Variants in PEX7 observed in about 807,000 individuals in gnomAD.
PEX7 encodes the protein PTS2 receptor.
A neutral mutation model predicts 47.5 loss-of-function variants in PEX7; 34 were observed. That is an observed-to-expected ratio of 0.72 (90% CI 0.54 to 0.95). The LOEUF is 0.95. Among genes scored for constraint, PEX7 ranks in the 40% least tolerant of loss-of-function variants. The pLI is 0.00. For synonymous variants in PEX7, 141 were observed against 148.8 expected (o/e 0.95, Z 0.38); for missense variants, 394 against 400.3 (o/e 0.98, Z 0.13).
intron 8 of PEX7, among the ~76,000 whole-genome samples, chr6:136,876,387 G>C (rs556501816): frequency 1.3e-5 from 2 of 152,098 alleles, no homozygotes; most frequent in South Asian, 2.1e-4. Flanking sequence ...TGTGCAGAAC[G>C]TGCAGGTTTG....
At chr6:136,871,820 C>T (rs1376038895) in intron 7 of PEX7, among the ~76,000 whole-genome samples, 3 of 152,154 alleles carry the variant, frequency 2.0e-5, no homozygotes, top group Non-Finnish European at 4.4e-5. Flanking sequence ...CTGAGCCTCC[C>T]AAGGTGCTGG....
intron 5 of PEX7, among the ~76,000 whole-genome samples, chr6:136,848,526 C>G (rs1774673659): frequency 6.6e-6 from 1 of 152,190 alleles, no homozygotes; most frequent in Non-Finnish European, 1.5e-5. Flanking sequence ...TACATCCCAT[C>G]AATACCTAGT....
At position 136,825,504 on chromosome 6, in the gene PEX7, T is replaced by G. The variant is rs538922025; in HGVS notation, c.188+233T>G. Among the ~76,000 whole-genome samples, 121 of 152,124 alleles carry G rather than the reference T, an allele frequency of 8.0e-4. 5 individuals are homozygous for G. In the South Asian group the frequency reaches 0.022, roughly 27 times the overall value. Reference sequence around the variant, plus strand: ...GGCCGGGAGTTCAAGACCAGCCTCGTGGGCAACATAGGAGGACCCCGTCTC... The same window carrying G: ...GGCCGGGAGTTCAAGACCAGCCTCGGGGGCAACATAGGAGGACCCCGTCTC... On this transcript the variant is annotated intron_variant, in intron 2 of 9. Transcript: ENST00000318471.
chr6:136,902,745 C>A (rs563907402), intron 9 of PEX7, among the ~76,000 whole-genome samples: 9 of 152,010 alleles, frequency 5.9e-5, no homozygotes, highest in Non-Finnish European at 1.3e-4. Context: ...GTTTAGAATT[C>A]CTGACTTTGT....
chr6:136,889,875 T>C (rs183863935), intron 8 of PEX7, among the ~76,000 whole-genome samples: 102 of 152,364 alleles, frequency 6.7e-4, no homozygotes, highest in African/African-American at 2.3e-3. Context: ...GTTACAAACC[T>C]TGTAGAATTA....
At chr6:136,849,413 C>G (rs1774694399) in intron 5 of PEX7, among the ~76,000 whole-genome samples, 1 of 152,072 alleles carries the variant, frequency 6.6e-6, no homozygotes, top group Non-Finnish European at 1.5e-5. Flanking sequence ...TGTGTTTGCT[C>G]TTGCTTCTCT....
chr6:136,846,894 C>G (rs1774615504), intron 5 of PEX7, among the ~76,000 whole-genome samples: 2 of 152,184 alleles, frequency 1.3e-5, no homozygotes, highest in South Asian at 2.1e-4. Flanking sequence ...ATTTCTAGTT[C>G]TAGATCCTTG....
At chr6:136,880,673 A>G (rs578226281) in intron 8 of PEX7, among the ~76,000 whole-genome samples, 2 of 152,358 alleles carry the variant, frequency 1.3e-5, no homozygotes, top group African/African-American at 4.8e-5. Flanking sequence ...ATACAGTAAC[A>G]GTTTTGGATT....
chr6:136,855,085 CA>C (rs747644035), intron 5 of PEX7, among the ~76,000 whole-genome samples: 275 of 125,244 alleles, frequency 2.2e-3, no homozygotes, highest in Middle Eastern at 4.1e-3. Flanking sequence ...AAGACTGTCT[CA>C]AAAAAAAAAA....
At chr6:136,911,886 G>T (rs1355604834) in intron 9 of PEX7, among the ~76,000 whole-genome samples, 1 of 152,114 alleles carries the variant, frequency 6.6e-6, no homozygotes, top group African/African-American at 2.4e-5. Context: ...CAAAATGGTG[G>T]TACCATATAC....
At chr6:136,829,431 T>C (rs543379796) in intron 3 of PEX7, among the ~76,000 whole-genome samples, 16 of 152,134 alleles carry the variant, frequency 1.1e-4, no homozygotes, top group Non-Finnish European at 1.9e-4. Context: ...ATAAGAGCAC[T>C]AATCCCATTC....
chr6:136,855,517 T>G (rs1774845391), intron 5 of PEX7, among the ~76,000 whole-genome samples: 1 of 152,166 alleles, frequency 6.6e-6, no homozygotes, highest in Non-Finnish European at 1.5e-5. Flanking sequence ...TTTTTGTATT[T>G]TTAGTAGAGC....
intron 7 of PEX7, 135 bp from the exon 8 acceptor site, chr6:136,872,063 G>C: frequency 1.3e-6 from 1 of 753,766 alleles, no homozygotes; most frequent in Non-Finnish European, 2.1e-6. Flanking sequence ...TATATGCTTT[G>C]AAAAAGCATA....
intron 3 of PEX7, among the ~76,000 whole-genome samples, chr6:136,828,818 G>A (rs190269672): frequency 6.6e-6 from 1 of 152,288 alleles, no homozygotes; most frequent in East Asian, 1.9e-4. Context: ...ATGTCTTAGT[G>A]TTAGGTTACT....
At chr6:136,890,417 G>A (rs1256492960) in intron 8 of PEX7, among the ~76,000 whole-genome samples, 2 of 152,122 alleles carry the variant, frequency 1.3e-5, no homozygotes, top group Non-Finnish European at 2.9e-5. Context: ...CTGTACAGCC[G>A]ACTTTGTCAT....
intron 8 of PEX7, among the ~76,000 whole-genome samples, chr6:136,873,565 T>C (rs773671559): frequency 1.1e-4 from 16 of 152,158 alleles, no homozygotes; most frequent in Non-Finnish European, 2.2e-4. Flanking sequence ...TATGATCTTA[T>C]CACCTGCAAA....
At chr6:136,885,957 G>C (rs1241034464) in intron 8 of PEX7, among the ~76,000 whole-genome samples, 1 of 152,150 alleles carries the variant, frequency 6.6e-6, no homozygotes, top group Non-Finnish European at 1.5e-5. Flanking sequence ...GGATTGTTGT[G>C]ATGGTTAGAA....
intron 8 of PEX7, among the ~76,000 whole-genome samples, chr6:136,895,609 G>A (rs1306479451): frequency 6.6e-6 from 1 of 151,988 alleles, no homozygotes; most frequent in Non-Finnish European, 1.5e-5. Flanking sequence ...TTTTAAGGTT[G>A]GTTATTTGTT....
At chr6:136,867,614 A>C (rs1775097003) in intron 6 of PEX7, among the ~76,000 whole-genome samples, 3 of 152,002 alleles carry the variant, frequency 2.0e-5, no homozygotes, top group Admixed American at 2.0e-4. Flanking sequence ...TATTATGAAG[A>C]GTCAAAAAGT....
Sources: gnomAD v4.1 joint callset for allele counts (sites outside exome capture counted in the v4.1 genomes callset) on GRCh38, gnomAD v4.1.1 for gene constraint, MANE v1.5 for transcripts, NCBI Gene and HGNC (gene_info 2026-07-23, HGNC 2026-07-21) for gene names.